The following NKAIN2 variants were observed in gnomAD, a reference collection of about 807,000 sequenced individuals.
The protein encoded by NKAIN2 is sodium/potassium transporting ATPase interacting 2, also known as sodium/potassium-transporting ATPase subunit beta-1-interacting protein 2.
A neutral mutation model predicts 32.6 loss-of-function variants in NKAIN2; 14 were observed. The observed-to-expected ratio is 0.43, with a 90% CI of 0.28 to 0.67. The LOEUF (loss-of-function observed/expected upper bound fraction) is 0.67. Ranked by LOEUF, NKAIN2 falls within the 30% of genes least tolerant of loss-of-function variation. The pLI is 0.17. For synonymous variants in NKAIN2, 80 were observed against 87.2 expected, an observed-to-expected ratio of 0.92 and a Z score of 0.46; for missense variants, 198 against 258.3, an observed-to-expected ratio of 0.77 and a Z score of 1.60.
At chr6:124,077,043 T>G (rs574789942) in intron 1 of NKAIN2, among the ~76,000 whole-genome samples, 1 of 152,324 alleles carries the variant, frequency 6.6e-6, no homozygotes, top group East Asian at 1.9e-4. Flanking sequence ...TAATGCACTT[T>G]GTAAATTCGA....
At chr6:124,182,265 G>A (rs1045964100) in intron 1 of NKAIN2, among the ~76,000 whole-genome samples, 2 of 152,168 alleles carry the variant, frequency 1.3e-5, no homozygotes, top group Non-Finnish European at 2.9e-5. Flanking sequence ...CATGACATGT[G>A]GGAATTATGG....
At chr6:124,536,094 C>T (rs1268276501) in intron 3 of NKAIN2, among the ~76,000 whole-genome samples, 1 of 152,166 alleles carries the variant, frequency 6.6e-6, no homozygotes, top group Non-Finnish European at 1.5e-5. Context: ...CAGAAAATAA[C>T]TACTGAACTA....
intron 2 of NKAIN2, among the ~76,000 whole-genome samples, chr6:124,341,079 G>A (rs975559948): frequency 2.0e-5 from 3 of 152,052 alleles, no homozygotes; most frequent in Admixed American, 6.6e-5. Context: ...AACATTGATA[G>A]TCTGTCTTAA....
chr6:124,068,995 A>G (rs1339492099), intron 1 of NKAIN2, among the ~76,000 whole-genome samples: 2 of 152,060 alleles, frequency 1.3e-5, no homozygotes, highest in Non-Finnish European at 2.9e-5. Flanking sequence ...TCCTCAAAAC[A>G]TTTTAGCTCC....
At chr6:124,259,290 A>G (rs367720655) in intron 1 of NKAIN2, among the ~76,000 whole-genome samples, 12 of 152,300 alleles carry the variant, frequency 7.9e-5, no homozygotes, top group African/African-American at 2.9e-4. Context: ...GTAAACAGAA[A>G]GCAGAGAGGG....
intron 1 of NKAIN2, among the ~76,000 whole-genome samples, chr6:123,894,728 T>A (rs750845031): frequency 2.6e-5 from 4 of 151,790 alleles, no homozygotes; most frequent in Non-Finnish European, 5.9e-5. Context: ...TAAAGGAAAC[T>A]CATGTGTCTA....
intron 4 of NKAIN2, among the ~76,000 whole-genome samples, chr6:124,757,226 G>T (rs1476985899): frequency 6.6e-6 from 1 of 152,134 alleles, no homozygotes; most frequent in Non-Finnish European, 1.5e-5. Context: ...TCTGTCCTCT[G>T]ATGTGATCTT....
intron 1 of NKAIN2, among the ~76,000 whole-genome samples, chr6:124,096,858 CAAAAAA>C (rs60102766): frequency 9.7e-6 from 1 of 102,590 alleles, no homozygotes; most frequent in South Asian, 3.4e-4. Flanking sequence ...ACTCCGTCTC[CAAAAAA>C]AAAAAAAAAA....
At chr6:124,821,829 C>T (rs907307004) in intron 6 of NKAIN2, among the ~76,000 whole-genome samples, 2 of 152,118 alleles carry the variant, frequency 1.3e-5, no homozygotes, top group Non-Finnish European at 2.9e-5. Flanking sequence ...CATAGGAGAC[C>T]TCGGATCCTA....
At chr6:124,077,654 G>A (rs1345926779) in intron 1 of NKAIN2, among the ~76,000 whole-genome samples, 1 of 151,480 alleles carries the variant, frequency 6.6e-6, no homozygotes, top group Non-Finnish European at 1.5e-5. Context: ...TGGAGACAGA[G>A]TCTGCAAACA....
chr6:123,846,276 G>A (rs984955705), intron 1 of NKAIN2, among the ~76,000 whole-genome samples: 6 of 152,078 alleles, frequency 3.9e-5, no homozygotes, highest in African/African-American at 1.4e-4. Flanking sequence ...TACTTATTTA[G>A]TTAAGTCCTC....
At chr6:124,499,871 C>G (rs1052021627) in intron 3 of NKAIN2, among the ~76,000 whole-genome samples, 1 of 152,094 alleles carries the variant, frequency 6.6e-6, no homozygotes. Context: ...TGGAGTTGGA[C>G]AGGAAAAAAG....
intron 1 of NKAIN2, among the ~76,000 whole-genome samples, chr6:123,970,529 T>C (rs1377375404): frequency 1.3e-5 from 2 of 152,182 alleles, no homozygotes; most frequent in Admixed American, 1.3e-4. Flanking sequence ...GAACTTTAGC[T>C]TTCTGACTTG....
intron 1 of NKAIN2, among the ~76,000 whole-genome samples, chr6:124,221,663 A>G (rs1426953196): frequency 6.6e-6 from 1 of 152,150 alleles, no homozygotes; most frequent in Non-Finnish European, 1.5e-5. Flanking sequence ...GCCAGAAATG[A>G]TGCTAAAGAT....
chr6:123,809,155 C>T (rs1773346465), intron 1 of NKAIN2, among the ~76,000 whole-genome samples: 1 of 151,920 alleles, frequency 6.6e-6, no homozygotes, highest in Non-Finnish European at 1.5e-5. Flanking sequence ...ACCCTATTTC[C>T]AATAACATAC....
intron 2 of NKAIN2, among the ~76,000 whole-genome samples, chr6:124,283,966 A>T (rs982725802): frequency 1.3e-5 from 2 of 152,224 alleles, no homozygotes; most frequent in African/African-American, 4.8e-5. Flanking sequence ...AACACAAACC[A>T]GCAGCCCTTC....
intron 1 of NKAIN2, among the ~76,000 whole-genome samples, chr6:124,182,108 G>C (rs1358353173): frequency 6.6e-6 from 1 of 152,302 alleles, no homozygotes; most frequent in Non-Finnish European, 1.5e-5. Flanking sequence ...GCAAAGGCAT[G>C]TCTTACTTGG....
chr6:124,592,929 C>CA (rs1392089083), intron 3 of NKAIN2, among the ~76,000 whole-genome samples: 6 of 152,140 alleles, frequency 3.9e-5, no homozygotes, highest in Non-Finnish European at 5.9e-5. Context: ...CATTGCAGTT[C>CA]AAAATGCAAG....
intron 2 of NKAIN2, among the ~76,000 whole-genome samples, chr6:124,347,438 T>C (rs973519983): frequency 5.3e-4 from 81 of 152,318 alleles, no homozygotes; most frequent in Admixed American, 1.3e-3. Flanking sequence ...GTTTTCCAAC[T>C]TGGTTCCATT....
Sources: allele counts gnomAD v4.1 joint callset (sites outside exome capture counted in the v4.1 genomes callset), GRCh38; gene constraint gnomAD v4.1.1; transcripts MANE v1.5; gene names NCBI Gene and HGNC (gene_info 2026-07-23, HGNC 2026-07-21).